The following NUP210L variants were observed in gnomAD, a reference collection of about 807,000 sequenced individuals.
NUP210L encodes the protein nucleoporin 210 like.
In NUP210L, 74 loss-of-function variants were observed where a neutral mutation model predicts 208.5. The observed-to-expected ratio is 0.35, with a 90% confidence interval of 0.29 to 0.43. The LOEUF is 0.43. Among genes scored for constraint, NUP210L ranks in the 20% least tolerant of loss-of-function variants. The pLI is 1.00. For synonymous variants in NUP210L, 780 were observed against 816.9 expected, an observed-to-expected ratio of 0.95 and a Z score of 0.77; for missense variants, 1,843 against 2,289.4, an observed-to-expected ratio of 0.81 and a Z score of 3.98.
chr1:154,022,988 A>AT (rs1192261107), intron 31 of NUP210L, 134 bp downstream of exon 31: 36 of 954,514 alleles, frequency 3.8e-5, no homozygotes, highest in Non-Finnish European at 3.8e-5. Context: ...ACTTAAAAAA[A>AT]TTTTTTTTAA....
In NUP210L at chr1:154,080,234, C is replaced by G. The variant is rs181521822; in HGVS notation, c.2361+9187G>C. On this transcript the variant is annotated intron_variant, in intron 16 of 39. Transcript: ENST00000368559. ...AATGAGCCAGGCATTGTGGCGCATG[C>G]CTGTAATCCCAGCTACTCGGGAGGC... Among the ~76,000 whole-genome samples the G allele has an allele frequency of 3.2e-4, 48 of 152,042 alleles. 1 individual carries two copies. In the East Asian group the frequency reaches 3.3e-3, roughly 10 times the overall value.
At chr1:154,046,486 C>T in intron 25 of NUP210L, 117 bp from the exon 26 acceptor site, 3 of 830,434 alleles carry the variant, frequency 3.6e-6, no homozygotes, top group Non-Finnish European at 6.0e-6. Context: ...AAACCTTGCC[C>T]ATGCTTATTG....
At chr1:154,027,678 C>G in intron 28 of NUP210L, 81 bp from the exon 29 acceptor site, 1 of 833,204 alleles carries the variant, frequency 1.2e-6, no homozygotes, top group Non-Finnish European at 2.0e-6. Flanking sequence ...AGTATAATCC[C>G]GAAGAGATTA....
chr1:154,124,525 GA>G (rs1159938285), intron 10 of NUP210L, among the ~76,000 whole-genome samples: 2 of 151,288 alleles, frequency 1.3e-5, no homozygotes, highest in African/African-American at 4.9e-5. Context: ...TAATCCAAAA[GA>G]AAAAAAATGT....
At chr1:154,057,977 A>AG in intron 22 of NUP210L, 112 bp downstream of exon 22, 1 of 1,143,038 alleles carries the variant, frequency 8.7e-7, no homozygotes, top group Non-Finnish European at 1.3e-6. Flanking sequence ...CTAACAGAAA[A>AG]GGAATGGAGA....
At chr1:154,024,145 G>A (rs748523308) in intron 30 of NUP210L, among the ~76,000 whole-genome samples, 1 of 152,156 alleles carries the variant, frequency 6.6e-6, no homozygotes, top group Non-Finnish European at 1.5e-5. Context: ...TATGAGGAAA[G>A]GACTATAATT....
chr1:154,000,750 A>G, intron 37 of NUP210L, 106 bp downstream of exon 37: 2 of 924,648 alleles, frequency 2.2e-6, no homozygotes, highest in Non-Finnish European at 3.4e-6. Flanking sequence ...CGTGGTTGAC[A>G]GTTAAGTGAA....
intron 32 of NUP210L, among the ~76,000 whole-genome samples, chr1:154,020,204 T>C (rs1651476428): frequency 6.6e-6 from 1 of 152,166 alleles, no homozygotes; most frequent in African/African-American, 2.4e-5. Context: ...AACATATGTA[T>C]CCATAGTTAC....
chr1:154,131,199 G>A (rs1369134382), intron 7 of NUP210L, among the ~76,000 whole-genome samples: 4 of 151,246 alleles, frequency 2.6e-5, no homozygotes, highest in Non-Finnish European at 5.9e-5. Context: ...GTGAACCCGG[G>A]AGGTGGAGCT....
intron 12 of NUP210L, among the ~76,000 whole-genome samples, chr1:154,108,232 A>G (rs1021264917): frequency 2.6e-5 from 4 of 152,174 alleles, no homozygotes; most frequent in African/African-American, 9.6e-5. Context: ...ATCTCAGCTC[A>G]CTGCAACCTC....
intron 27 of NUP210L, among the ~76,000 whole-genome samples, chr1:154,032,212 A>G (rs964049148): frequency 6.6e-6 from 1 of 152,158 alleles, no homozygotes; most frequent in Non-Finnish European, 1.5e-5. Context: ...TCTTTTGGGT[A>G]TATGTCTAGC....
chr1:154,135,459 C>T (rs985503804), intron 7 of NUP210L, among the ~76,000 whole-genome samples: 1 of 150,954 alleles, frequency 6.6e-6, no homozygotes, highest in African/African-American at 2.4e-5. Flanking sequence ...TCTCGCTGTG[C>T]CGCCCAGGTT....
intron 16 of NUP210L, among the ~76,000 whole-genome samples, chr1:154,081,626 G>A (rs1365122177): frequency 6.6e-6 from 1 of 152,174 alleles, no homozygotes; most frequent in Non-Finnish European, 1.5e-5. Flanking sequence ...GTTTAATCAC[G>A]TGGCCAATTA....
intron 25 of NUP210L, among the ~76,000 whole-genome samples, chr1:154,048,898 G>C (rs1380659611): frequency 6.6e-6 from 1 of 152,196 alleles, no homozygotes. Context: ...AGAGCCAGGA[G>C]AGCGTATAGC....
At chr1:154,145,188 C>T (rs955083926) in intron 2 of NUP210L, among the ~76,000 whole-genome samples, 3 of 151,498 alleles carry the variant, frequency 2.0e-5, no homozygotes, top group African/African-American at 7.3e-5. Flanking sequence ...GAGGCCAAGG[C>T]GGTCAGACTG....
chr1:154,087,513 C>T (rs1238959571), intron 16 of NUP210L, among the ~76,000 whole-genome samples: 2 of 152,116 alleles, frequency 1.3e-5, no homozygotes, highest in African/African-American at 2.4e-5. Context: ...GGTGCAGCCA[C>T]TTTGGAAACA....
At chr1:154,061,615 C>A (rs781357460) in exon 18 of NUP210L, 14 of 1,607,108 alleles carry the variant, frequency 8.7e-6, no homozygotes, top group Non-Finnish European at 1.2e-5. Context: ...GAATAGCCCA[C>A]AAAATTGACT....
At chr1:153,997,155 G>A (rs1001950502) in intron 37 of NUP210L, among the ~76,000 whole-genome samples, 4 of 151,400 alleles carry the variant, frequency 2.6e-5, no homozygotes, top group Non-Finnish European at 5.9e-5. Flanking sequence ...GTAGAGATGG[G>A]TTTTCACCAT....
At chr1:154,101,876 A>C (rs896658811) in intron 13 of NUP210L, among the ~76,000 whole-genome samples, 1 of 152,108 alleles carries the variant, frequency 6.6e-6, no homozygotes, top group Non-Finnish European at 1.5e-5. Flanking sequence ...TTAGCCGGGC[A>C]TGGTGGCTCA....
Sources: gnomAD v4.1 joint callset for allele counts (sites outside exome capture counted in the v4.1 genomes callset) on GRCh38, gnomAD v4.1.1 for gene constraint, MANE v1.5 for transcripts, NCBI Gene and HGNC (gene_info 2026-07-23, HGNC 2026-07-21) for gene names.